The following AGBL4 variants were observed in gnomAD, a reference collection of about 807,000 sequenced individuals.
AGBL4 encodes the protein AGBL carboxypeptidase 4, also known as cytosolic carboxypeptidase 6.
AGBL4 carries 58 observed loss-of-function variants against 66.4 expected under a neutral mutation model. The observed-to-expected ratio is 0.87, with a 90% CI of 0.71 to 1.09. The LOEUF (loss-of-function observed/expected upper bound fraction) is 1.09. Among genes scored for constraint, AGBL4 ranks in the 50% least tolerant of loss-of-function variants. The pLI, the probability that AGBL4 is intolerant of heterozygous loss-of-function variation, is 0.00. For missense variants in AGBL4, 579 were observed against 631.0 expected (o/e 0.92, Z 0.88); for synonymous variants, 234 against 222.9 (o/e 1.05, Z -0.44).
At chr1:49,027,105 G>A (rs1474828350) in intron 5 of AGBL4, among the ~76,000 whole-genome samples, 1 of 152,090 alleles carries the variant, frequency 6.6e-6, no homozygotes, top group African/African-American at 2.4e-5. Context: ...TTTCAGAATG[G>A]TGGTAGAAGG....
At chr1:48,991,320 C>T (rs1020777806) in intron 5 of AGBL4, among the ~76,000 whole-genome samples, 2 of 152,080 alleles carry the variant, frequency 1.3e-5, no homozygotes, top group Non-Finnish European at 2.9e-5. Flanking sequence ...CTCTCCTGGT[C>T]TGTGAGGTTT....
intron 3 of AGBL4, among the ~76,000 whole-genome samples, chr1:49,591,698 C>A (rs1243940386): frequency 6.6e-6 from 1 of 152,072 alleles, no homozygotes; most frequent in Non-Finnish European, 1.5e-5. Flanking sequence ...TACTACAGGG[C>A]TACTGAAACC....
intron 6 of AGBL4, among the ~76,000 whole-genome samples, chr1:48,843,057 T>C (rs1646840342): frequency 6.6e-6 from 1 of 152,144 alleles, no homozygotes. Context: ...TGAGTGTATG[T>C]AGAATTTCGA....
At chr1:48,879,802 A>G (rs964457259) in intron 5 of AGBL4, among the ~76,000 whole-genome samples, 4 of 152,178 alleles carry the variant, frequency 2.6e-5, no homozygotes, top group Non-Finnish European at 5.9e-5. Flanking sequence ...ATAGTAAGTG[A>G]TGGAGCTCAG....
intron 4 of AGBL4, among the ~76,000 whole-genome samples, chr1:49,206,440 C>T (rs898372876): frequency 5.9e-5 from 9 of 152,078 alleles, no homozygotes; most frequent in Non-Finnish European, 1.0e-4. Flanking sequence ...TTATTACTTC[C>T]TCCATTGCCT....
At chr1:48,939,206 C>G (rs1424958918) in intron 5 of AGBL4, among the ~76,000 whole-genome samples, 12 of 152,204 alleles carry the variant, frequency 7.9e-5, no homozygotes, top group Admixed American at 1.3e-4. Flanking sequence ...GCACACAGAA[C>G]AATTCCTGGC....
chr1:48,736,178 C>G lies in AGBL4; in HGVS notation c.635-72937G>C. The G allele has an allele frequency of 6.5e-7, 1 of 1,531,162 alleles. No homozygotes were observed. The highest frequency in any genetic ancestry group is 9.0e-7 in the Non-Finnish European group (1 of 1,105,726). 94.8% of individuals were successfully genotyped at this position (1,531,162 alleles called of 1,614,324 possible). ...AATCGTTGAATTGAATTGTGCCTAA[C>G]ACATTCTTGACAGAGTAAAAGACAG... On this transcript the variant is annotated intron_variant, in intron 6 of 13. Transcript: ENST00000371839. The surrounding 1 kb of genome is among the most constrained non-coding windows in gnomAD (Gnocchi z 4.0).
intron 4 of AGBL4, among the ~76,000 whole-genome samples, chr1:49,052,079 AT>A (rs5774037): frequency 0.31 from 42,700 of 138,518 alleles, 5,983 homozygotes; most frequent in East Asian, 0.67. Context: ...ATATGTAGGG[AT>A]TTTTTTTTTT....
chr1:48,723,310 C>A (rs137916373), intron 6 of AGBL4, among the ~76,000 whole-genome samples: 10 of 152,088 alleles, frequency 6.6e-5, no homozygotes, highest in Non-Finnish European at 1.5e-4. Flanking sequence ...ATGGCAATAA[C>A]TGGATGGACT....
chr1:49,673,293 G>T (rs1165346017), intron 3 of AGBL4, among the ~76,000 whole-genome samples: 1 of 152,162 alleles, frequency 6.6e-6, no homozygotes, highest in East Asian at 1.9e-4. Context: ...GCACAAACAT[G>T]GGAGTGCAGA....
chr1:49,825,037 T>C (rs1021426164), intron 2 of AGBL4, among the ~76,000 whole-genome samples: 1 of 152,194 alleles, frequency 6.6e-6, no homozygotes, highest in African/African-American at 2.4e-5. Flanking sequence ...TGCCAGTAAG[T>C]AACCACCCTG....
rs193127756 is a variant in AGBL4 at position 49,322,783 on chromosome 1, G to T, written c.283-76919C>A. 5.9e-5 allele frequency among the ~76,000 whole-genome samples: 9 copies of T among 152,230 alleles called. No homozygotes were observed. In the East Asian group the frequency reaches 1.7e-3, roughly 29 times the overall value. ...ACTTCTGGCCTCCAGAACTATGAGAGAATAAATTTTTGTTATTTTAAGTCA... is the reference window on the plus strand; with the variant it reads ...ACTTCTGGCCTCCAGAACTATGAGATAATAAATTTTTGTTATTTTAAGTCA... On this transcript the variant is annotated intron_variant, in intron 3 of 13. Coordinates refer to ENST00000371839, the MANE Select transcript of AGBL4 (RefSeq NM_032785.4).
intron 7 of AGBL4, among the ~76,000 whole-genome samples, 183 bp downstream of exon 7, chr1:48,662,969 C>A (rs6697772): frequency 1.3e-5 from 2 of 152,092 alleles, no homozygotes; most frequent in Admixed American, 6.5e-5. Context: ...TTCATACATA[C>A]GTCTAGTCAA....
chr1:48,683,513 C>T (rs1229583944), intron 6 of AGBL4, among the ~76,000 whole-genome samples: 1 of 152,198 alleles, frequency 6.6e-6, no homozygotes, highest in Non-Finnish European at 1.5e-5. Flanking sequence ...CATCATGACT[C>T]AGAATCAGGA....
At chr1:49,231,132 A>C (rs997800305) in intron 4 of AGBL4, among the ~76,000 whole-genome samples, 1 of 152,204 alleles carries the variant, frequency 6.6e-6, no homozygotes, top group African/African-American at 2.4e-5. Context: ...ATATAGCCTT[A>C]ATTCTTAAAC....
intron 3 of AGBL4, among the ~76,000 whole-genome samples, chr1:49,551,401 C>G (rs536030207): frequency 1.7e-4 from 26 of 152,280 alleles, no homozygotes; most frequent in African/African-American, 6.0e-4. Flanking sequence ...AGTTGGTTTT[C>G]TGGTTCCTTC....
At chr1:48,647,061 A>G (rs763686367) in intron 8 of AGBL4, among the ~76,000 whole-genome samples, 11 of 152,150 alleles carry the variant, frequency 7.2e-5, no homozygotes, top group Non-Finnish European at 1.3e-4. Context: ...CAGGACCTCA[A>G]CAAACCTTAG....
chr1:49,792,228 T>C lies in AGBL4; in HGVS notation c.157+59168A>G, dbSNP rs17105761. 8.8e-3 allele frequency among the ~76,000 whole-genome samples: 1,344 copies of C among 152,120 alleles called. 16 individuals are homozygous for C. Among genetic ancestry groups the C allele is most frequent in the African/African-American group, 0.031 (1,281 of 41,514 alleles). ...GCCATGTTTATGGATCAGCAACTTA[T>C]AGATTTATTAGAATTTTAAAACTTC... On this transcript the variant is annotated intron_variant, in intron 2 of 13. Coordinates refer to ENST00000371839, the MANE Select transcript of AGBL4 (RefSeq NM_032785.4).
intron 5 of AGBL4, among the ~76,000 whole-genome samples, chr1:48,951,217 G>T (rs1656959201): frequency 6.6e-6 from 1 of 152,132 alleles, no homozygotes; most frequent in Non-Finnish European, 1.5e-5. Context: ...GTCAGCAAAA[G>T]CATCAGAAGG....
Sources: gnomAD v4.1 joint callset for allele counts (sites outside exome capture counted in the v4.1 genomes callset) on GRCh38, gnomAD v4.1.1 for gene constraint, Gnocchi (gnomAD v3.1) non-coding constraint, MANE v1.5 for transcripts, NCBI Gene and HGNC (gene_info 2026-07-23, HGNC 2026-07-21) for gene names.